The following PCDH9 variants were observed in gnomAD, a reference collection of about 807,000 sequenced individuals.
The protein encoded by PCDH9 is protocadherin 9, also known as protocadherin-9.
PCDH9 carries 24 observed loss-of-function variants against 70.6 expected under a neutral mutation model. That is an observed-to-expected ratio of 0.34 (90% CI 0.25 to 0.48). The LOEUF (loss-of-function observed/expected upper bound fraction) is 0.48. Ranked by LOEUF, PCDH9 falls within the 20% of genes least tolerant of loss-of-function variation. The pLI, the probability that PCDH9 is intolerant of heterozygous loss-of-function variation, is 0.99. For missense variants in PCDH9, 1,281 were observed against 1,503.6 expected (o/e 0.85, Z 2.45); for synonymous variants, 562 against 558.5 (o/e 1.01, Z -0.09).
At chr13:66,619,997 G>T (rs1409439661) in intron 4 of PCDH9, among the ~76,000 whole-genome samples, 1 of 151,974 alleles carries the variant, frequency 6.6e-6, no homozygotes, top group Admixed American at 6.6e-5. Flanking sequence ...ATCTTGCCCA[G>T]CAGCTCAGAC....
At chr13:67,101,900 T>C (rs1443496179) in intron 2 of PCDH9, among the ~76,000 whole-genome samples, 1 of 152,100 alleles carries the variant, frequency 6.6e-6, no homozygotes, top group Non-Finnish European at 1.5e-5. Context: ...GGAATGGCAT[T>C]ATGCCTCTGT....
intron 3 of PCDH9, chr13:66,880,303 C>G (rs1424534163): frequency 6.6e-6 from 1 of 152,106 alleles, no homozygotes; most frequent in Non-Finnish European, 1.5e-5. Context: ...GCCTAAAAAG[C>G]CCCTGGGTAC....
intron 4 of PCDH9, among the ~76,000 whole-genome samples, chr13:66,510,237 G>A (rs184783806): frequency 4.6e-5 from 7 of 152,088 alleles, no homozygotes. Flanking sequence ...GCATTTTAAT[G>A]TGCCTCGGTT....
At chr13:67,104,736 A>G (rs1356681682) in intron 2 of PCDH9, among the ~76,000 whole-genome samples, 3 of 152,092 alleles carry the variant, frequency 2.0e-5, no homozygotes, top group Non-Finnish European at 4.4e-5. Flanking sequence ...TTTTTAGTAG[A>G]GACGGGGTTT....
intron 2 of PCDH9, among the ~76,000 whole-genome samples, chr13:67,052,253 C>T (rs573732851): frequency 2.6e-5 from 4 of 152,014 alleles, no homozygotes; most frequent in Admixed American, 2.6e-4. Context: ...TCAATGGGGA[C>T]GTCCTGAGAA....
At chr13:66,920,631 C>G (rs934765976) in intron 2 of PCDH9, among the ~76,000 whole-genome samples, 1 of 150,948 alleles carries the variant, frequency 6.6e-6, no homozygotes, top group South Asian at 2.1e-4. Flanking sequence ...ATTGTTGAGG[C>G]AAAAACAAAC....
At chr13:67,198,254 A>G (rs1169455254) in intron 2 of PCDH9, among the ~76,000 whole-genome samples, 2 of 151,984 alleles carry the variant, frequency 1.3e-5, no homozygotes, top group East Asian at 1.9e-4. Context: ...TTACCTTAGT[A>G]TGCATCTTAA....
At chr13:66,855,108 C>T (rs978600963) in intron 3 of PCDH9, among the ~76,000 whole-genome samples, 29 of 151,922 alleles carry the variant, frequency 1.9e-4, no homozygotes, top group African/African-American at 5.6e-4. Flanking sequence ...TCATAAGTAA[C>T]GAAGTATGAG....
At chr13:66,931,474 C>A (rs2082807015) in intron 2 of PCDH9, among the ~76,000 whole-genome samples, 1 of 152,034 alleles carries the variant, frequency 6.6e-6, no homozygotes, top group African/African-American at 2.4e-5. Context: ...AAGGCTTATG[C>A]TGTATCCTCA....
intron 4 of PCDH9, among the ~76,000 whole-genome samples, chr13:66,623,429 CT>C (rs1472105971): frequency 6.6e-6 from 1 of 151,848 alleles, no homozygotes; most frequent in African/African-American, 2.4e-5. Flanking sequence ...GGCAAGTAGG[CT>C]TTTTCTTTTT....
intron 4 of PCDH9, among the ~76,000 whole-genome samples, chr13:66,322,808 T>C (rs1414234061): frequency 6.6e-6 from 1 of 152,026 alleles, no homozygotes; most frequent in Non-Finnish European, 1.5e-5. Flanking sequence ...CGTATATCAC[T>C]CTCAGCTTTG....
chr13:66,975,574 T>C (rs1394935516), intron 2 of PCDH9, among the ~76,000 whole-genome samples: 1 of 151,720 alleles, frequency 6.6e-6, no homozygotes, highest in Non-Finnish European at 1.5e-5. Context: ...AAACATGGAG[T>C]CAATGCTAAA....
chr13:67,131,299 C>A (rs2087106653), intron 2 of PCDH9, among the ~76,000 whole-genome samples: 1 of 152,074 alleles, frequency 6.6e-6, no homozygotes, highest in African/African-American at 2.4e-5. Context: ...TAGACAGTCC[C>A]ATCTCCTAAA....
intron 4 of PCDH9, among the ~76,000 whole-genome samples, chr13:66,359,942 T>TTATAC (rs1956441733): frequency 6.6e-6 from 1 of 152,094 alleles, no homozygotes; most frequent in Non-Finnish European, 1.5e-5. Flanking sequence ...AGGGTGATGG[T>TTATAC]AGCTATTTAT....
intron 4 of PCDH9, among the ~76,000 whole-genome samples, chr13:66,376,437 T>C (rs544717526): frequency 6.6e-6 from 1 of 152,276 alleles, no homozygotes; most frequent in African/African-American, 2.4e-5. Flanking sequence ...TGATCTTTTT[T>C]TGCAGTTGTT....
chr13:67,184,167 A>C (rs1202049211), intron 2 of PCDH9, among the ~76,000 whole-genome samples: 1 of 152,156 alleles, frequency 6.6e-6, no homozygotes, highest in Non-Finnish European at 1.5e-5. Context: ...ATTAGTAAAA[A>C]TGTAGGTTAT....
At chr13:67,190,854 A>G (rs574237594) in intron 2 of PCDH9, among the ~76,000 whole-genome samples, 6 of 152,232 alleles carry the variant, frequency 3.9e-5, no homozygotes, top group Non-Finnish European at 8.8e-5. Context: ...ATCGTTTCCA[A>G]TAATATCTAA....
chr13:66,593,352 A>G (rs984559838), intron 4 of PCDH9, among the ~76,000 whole-genome samples: 3 of 151,754 alleles, frequency 2.0e-5, no homozygotes, highest in Non-Finnish European at 2.9e-5. Flanking sequence ...CAATGAATTG[A>G]TATATGAATT....
At chr13:67,041,257 A>C (rs968347578) in intron 2 of PCDH9, among the ~76,000 whole-genome samples, 1 of 152,218 alleles carries the variant, frequency 6.6e-6, no homozygotes, top group African/African-American at 2.4e-5. Flanking sequence ...ATGGTGCACA[A>C]TTTAAAACTA....
Sources: allele counts gnomAD v4.1 joint callset (sites outside exome capture counted in the v4.1 genomes callset), GRCh38; gene constraint gnomAD v4.1.1; transcripts MANE v1.5; gene names NCBI Gene and HGNC (gene_info 2026-07-23, HGNC 2026-07-21).